SLC12A8: variants seen among roughly 807,000 people sequenced by gnomAD.
The protein encoded by SLC12A8 is cation-chloride cotransporter 9.
A neutral mutation model predicts 75.6 loss-of-function variants in SLC12A8; 69 were observed. The observed-to-expected ratio is 0.91, with a 90% CI of 0.75 to 1.11. The LOEUF (loss-of-function observed/expected upper bound fraction) is 1.11. Among genes scored for constraint, SLC12A8 ranks in the 50% most tolerant of loss-of-function variants. The pLI is 0.00. For synonymous variants in SLC12A8, 365 were observed against 372.8 expected (o/e 0.98, Z 0.24); for missense variants, 877 against 896.7 (o/e 0.98, Z 0.28).
intron 4 of SLC12A8, among the ~76,000 whole-genome samples, chr3:125,179,467 T>C (rs939516327): frequency 2.0e-5 from 3 of 152,242 alleles, no homozygotes; most frequent in African/African-American, 4.8e-5. Context: ...TCCAGCCATT[T>C]TGTGTAAAGG....
intron 10 of SLC12A8, among the ~76,000 whole-genome samples, chr3:125,101,018 T>G (rs1182598558): frequency 7.7e-5 from 1 of 12,946 alleles, no homozygotes; most frequent in Non-Finnish European, 1.4e-4. Flanking sequence ...AGACTCCGTC[T>G]CAAAAAAAAA....
chr3:125,098,093 A>T (rs1029725101), intron 10 of SLC12A8, among the ~76,000 whole-genome samples: 3 of 152,124 alleles, frequency 2.0e-5, no homozygotes, highest in African/African-American at 7.2e-5. Flanking sequence ...TAAATAATAA[A>T]TTTAAGTAAT....
intron 6 of SLC12A8, among the ~76,000 whole-genome samples, chr3:125,128,650 T>C (rs1039634586): frequency 3.9e-5 from 6 of 152,230 alleles, no homozygotes; most frequent in Admixed American, 6.5e-5. Context: ...CAGCCAAAGC[T>C]TCCTTCTTGT....
At chr3:125,179,093 G>T (rs967694346) in intron 4 of SLC12A8, among the ~76,000 whole-genome samples, 3 of 152,036 alleles carry the variant, frequency 2.0e-5, no homozygotes. Flanking sequence ...AGGGCCAGCT[G>T]GTCACTCTAA....
At chr3:125,172,078 A>G (rs971251438) in intron 5 of SLC12A8, among the ~76,000 whole-genome samples, 4 of 152,138 alleles carry the variant, frequency 2.6e-5, no homozygotes, top group African/African-American at 9.7e-5. Context: ...GTTCAAGTCC[A>G]GCCTGGCCAA....
chr3:125,193,920 C>A (rs1430329253), intron 2 of SLC12A8, among the ~76,000 whole-genome samples: 1 of 152,164 alleles, frequency 6.6e-6, no homozygotes, highest in Non-Finnish European at 1.5e-5. Flanking sequence ...CCATGGGTAG[C>A]TCTCTTTAGG....
intron 5 of SLC12A8, among the ~76,000 whole-genome samples, chr3:125,160,226 G>T (rs62265727): frequency 0.13 from 19,402 of 152,282 alleles, 1,546 homozygotes; most frequent in Non-Finnish European, 0.18. Flanking sequence ...TTACAGGGGT[G>T]AGCCACCGCA....
At chr3:125,163,738 C>T (rs1356736744) in intron 5 of SLC12A8, among the ~76,000 whole-genome samples, 1 of 152,218 alleles carries the variant, frequency 6.6e-6, no homozygotes, top group Non-Finnish European at 1.5e-5. Flanking sequence ...ATTAACACAA[C>T]CTTCCAAGGA....
At chr3:125,206,401 T>C (rs1407910922) in intron 2 of SLC12A8, among the ~76,000 whole-genome samples, 3 of 152,228 alleles carry the variant, frequency 2.0e-5, no homozygotes, top group Non-Finnish European at 4.4e-5. Flanking sequence ...CTCAAGTCTC[T>C]GGGCTTGCTT....
chr3:125,083,638 C>T lies in SLC12A8; in HGVS notation c.*252G>A, dbSNP rs1938383741. The T allele has an allele frequency of 2.8e-6, 1 of 362,660 alleles. No individual in the cohort carries two copies. The highest frequency in any genetic ancestry group is 5.1e-6 in the Non-Finnish European group (1 of 197,044). 22.5% of individuals were successfully genotyped at this position (362,660 alleles called of 1,614,324 possible). A position where few individuals can be genotyped will look rare whatever the true frequency, so the allele number is the denominator to read the frequency against. The stretch of plus-strand genomic sequence containing the variant: ...TCAGGAGGCTGAGGCAGGAGAATTG[C>T]TTGAACTCGGGAAGCAGAGGTTGCA... On this transcript the variant is annotated 3_prime_UTR_variant, in exon 14 of 14. Coordinates refer to ENST00000469902, the MANE Select transcript of SLC12A8 (RefSeq NM_024628.6).
chr3:125,141,889 G>C (rs562382697), intron 5 of SLC12A8, among the ~76,000 whole-genome samples: 8 of 152,242 alleles, frequency 5.3e-5, no homozygotes, highest in African/African-American at 1.9e-4. Context: ...CTCGGAGGGC[G>C]CAGGAAGAGC....
At chr3:125,128,556 C>G (rs1358279554) in intron 6 of SLC12A8, among the ~76,000 whole-genome samples, 6 of 147,576 alleles carry the variant, frequency 4.1e-5, no homozygotes, top group African/African-American at 1.5e-4. Context: ...CTTGGCTCAC[C>G]GCAACCTCTG....
intron 1 of SLC12A8, among the ~76,000 whole-genome samples, chr3:125,212,308 C>T (rs542426157): frequency 2.0e-5 from 3 of 152,248 alleles, no homozygotes; most frequent in African/African-American, 7.2e-5. Flanking sequence ...AGGTAGGGAG[C>T]CAGAGCACCC....
intron 10 of SLC12A8, among the ~76,000 whole-genome samples, chr3:125,104,176 G>A (rs1031123356): frequency 6.6e-6 from 1 of 152,096 alleles, no homozygotes; most frequent in Non-Finnish European, 1.5e-5. Context: ...AGTGATCATA[G>A]CTCATTGTAA....
In SLC12A8 at chr3:125,120,672, A is replaced by G. The variant is rs1579484893; in HGVS notation, c.751T>C (p.Phe251Leu). The G allele has an allele frequency of 3.1e-6, 5 of 1,613,620 alleles. No homozygotes were observed. In the East Asian group the frequency reaches 1.1e-4, roughly 36 times the overall value. ...TCCCTGAGGTCGCCCCCCATGTTGA[A>G]GCCGGCCATGACTCCTGAAAGACAC... ...FPAATGVMAGFNMGGDLREPA... is the reference protein window; with the variant it reads ...FPAATGVMAGLNMGGDLREPA... Residue 251 changes from phenylalanine to leucine, a missense_variant, in exon 7 of 14, where the codon TTC (phenylalanine) becomes CTC (leucine). Physicochemically the swap from Phe to Leu is conservative, Grantham distance 22. Transcript: ENST00000469902.
chr3:125,149,235 G>A (rs992242131), intron 5 of SLC12A8, among the ~76,000 whole-genome samples: 5 of 152,226 alleles, frequency 3.3e-5, no homozygotes, highest in Admixed American at 1.3e-4. Context: ...ACTTCCTTCT[G>A]CAAACTTGAC....
At chr3:125,133,354 C>T (rs576333573) in intron 6 of SLC12A8, among the ~76,000 whole-genome samples, 2 of 139,954 alleles carry the variant, frequency 1.4e-5, no homozygotes, top group East Asian at 2.2e-4. Context: ...TACACACACA[C>T]ACACACACGC....
In SLC12A8 at chr3:125,084,730, G is replaced by A. The variant is rs371997028; in HGVS notation, c.1983-678C>T. On this transcript the variant is annotated intron_variant, in intron 13 of 13. Transcript: ENST00000469902. ...GGCTGGCTGTCCAGGCAGCTGCTACGGAAGGCAGACCCAGTCACAGCTCCA... is the reference window on the plus strand; with the variant it reads ...GGCTGGCTGTCCAGGCAGCTGCTACAGAAGGCAGACCCAGTCACAGCTCCA... Among the ~76,000 whole-genome samples the A allele has an allele frequency of 6.6e-5, 10 of 152,308 alleles. No individual in the cohort carries two copies. In the South Asian group the frequency reaches 2.1e-3, roughly 32 times the overall value.
chr3:125,126,765 C>T (rs959226040), intron 6 of SLC12A8, among the ~76,000 whole-genome samples: 2 of 152,238 alleles, frequency 1.3e-5, no homozygotes, highest in Non-Finnish European at 2.9e-5. Context: ...AACTCTTCAA[C>T]TTTTTCTTTC....
Sources: allele counts gnomAD v4.1 joint callset (sites outside exome capture counted in the v4.1 genomes callset), GRCh38; gene constraint gnomAD v4.1.1; transcripts MANE v1.5; gene names NCBI Gene and HGNC (gene_info 2026-07-23, HGNC 2026-07-21).